ULK4: variants seen among roughly 807,000 people sequenced by gnomAD.
The protein encoded by ULK4 is inactive serine/threonine-protein kinase ULK4.
In ULK4, 133 loss-of-function variants were observed where a neutral mutation model predicts 160.6. The observed-to-expected ratio is 0.83, with a 90% confidence interval of 0.72 to 0.96. The LOEUF (loss-of-function observed/expected upper bound fraction) is 0.96, where lower values mean the gene tolerates loss of function less well. Among genes scored for constraint, ULK4 ranks in the 40% least tolerant of loss-of-function variants. The pLI is 0.00. For missense variants in ULK4, 1,580 were observed against 1,499.5 expected (o/e 1.05, Z -0.89); for synonymous variants, 534 against 539.8 (o/e 0.99, Z 0.15).
intron 23 of ULK4, among the ~76,000 whole-genome samples, chr3:41,717,464 T>C (rs1349983655): frequency 6.6e-6 from 1 of 152,204 alleles, no homozygotes; most frequent in Non-Finnish European, 1.5e-5. Context: ...GCTTTTCTTT[T>C]GTATATTTTC....
chr3:41,804,434 C>T (rs1575737904), intron 19 of ULK4, among the ~76,000 whole-genome samples: 1 of 151,684 alleles, frequency 6.6e-6, no homozygotes, highest in African/African-American at 2.4e-5. Flanking sequence ...TTGTAGGTTG[C>T]CTGTTCACTC....
At chr3:41,849,058 C>T (rs1356074590) in intron 17 of ULK4, among the ~76,000 whole-genome samples, 1 of 152,154 alleles carries the variant, frequency 6.6e-6, no homozygotes, top group African/African-American at 2.4e-5. Context: ...ATAGAAACGC[C>T]ACAGAAAATG....
intron 35 of ULK4, 110 bp from the exon 36 acceptor site, chr3:41,249,684 G>A: frequency 9.1e-7 from 1 of 1,100,606 alleles, no homozygotes. Flanking sequence ...GGCTGCCTAA[G>A]GCACTGGGGG....
At chr3:41,397,867 A>G (rs1466049800) in intron 35 of ULK4, among the ~76,000 whole-genome samples, 4 of 152,170 alleles carry the variant, frequency 2.6e-5, no homozygotes, top group African/African-American at 9.7e-5. Flanking sequence ...CTTACTCCCA[A>G]ATGGTTCAGA....
intron 31 of ULK4, among the ~76,000 whole-genome samples, chr3:41,598,444 G>C (rs981030276): frequency 6.6e-6 from 1 of 152,188 alleles, no homozygotes; most frequent in African/African-American, 2.4e-5. Flanking sequence ...TCCAGAGCAT[G>C]CGAGTAATAT....
At chr3:41,268,677 G>A (rs2079085902) in intron 35 of ULK4, among the ~76,000 whole-genome samples, 3 of 152,094 alleles carry the variant, frequency 2.0e-5, no homozygotes, top group South Asian at 2.1e-4. Context: ...ATGGTGGTGT[G>A]CACCTGCAGT....
chr3:41,385,294 A>C (rs906673085), intron 35 of ULK4, among the ~76,000 whole-genome samples: 1 of 152,188 alleles, frequency 6.6e-6, no homozygotes, highest in African/African-American at 2.4e-5. Context: ...TAAAAAGAAG[A>C]GTAAAACTAT....
At chr3:41,738,094 A>G (rs957878554) in intron 22 of ULK4, among the ~76,000 whole-genome samples, 1 of 151,970 alleles carries the variant, frequency 6.6e-6, no homozygotes, top group Non-Finnish European at 1.5e-5. Flanking sequence ...GATAATATCT[A>G]TCATTCCCAT....
At chr3:41,510,979 G>A (rs527306262) in intron 32 of ULK4, among the ~76,000 whole-genome samples, 13 of 152,000 alleles carry the variant, frequency 8.6e-5, no homozygotes, top group East Asian at 1.9e-4. Flanking sequence ...TGGCTAACAC[G>A]GTGAAACCCC....
chr3:41,853,496 A>T (rs1397521821), intron 17 of ULK4, among the ~76,000 whole-genome samples: 1 of 152,168 alleles, frequency 6.6e-6, no homozygotes, highest in Non-Finnish European at 1.5e-5. Flanking sequence ...ACAAGACCTA[A>T]GGCCATGCTA....
intron 36 of ULK4, among the ~76,000 whole-genome samples, chr3:41,248,835 G>A (rs2078691770): frequency 6.6e-6 from 1 of 152,194 alleles, no homozygotes; most frequent in Non-Finnish European, 1.5e-5. Context: ...TTTACAGCAT[G>A]TAACATGCTC....
Position 41,900,769 on chromosome 3 carries a change from T to A in ULK4, c.1243A>T (p.Thr415Ser). 1 of 1,613,796 alleles carries A rather than the reference T, an allele frequency of 6.2e-7. No individual in the cohort carries two copies. The highest frequency in any genetic ancestry group is 8.5e-7 in the Non-Finnish European group (1 of 1,179,760). ...LESQMRELIY[T>S]DSDLVVTPII... ...GGGGTGACAACAAGATCTGAGTCCGTGTAGATAAGCTCTCTCATCTGGGAT... is the reference window on the plus strand; with the variant it reads ...GGGGTGACAACAAGATCTGAGTCCGAGTAGATAAGCTCTCTCATCTGGGAT... The change falls in exon 13 of 37, where the codon ACG becomes TCG. Residue 415 changes from threonine (T) to serine (S), a missense_variant. By Grantham distance (58) the Thr-to-Ser change is moderately conservative. Transcript: ENST00000301831.
At chr3:41,388,397 T>G (rs1300336848) in intron 35 of ULK4, among the ~76,000 whole-genome samples, 3 of 152,012 alleles carry the variant, frequency 2.0e-5, no homozygotes, top group Admixed American at 2.0e-4. Flanking sequence ...CATTTGTCAA[T>G]TTTGGCTTTG....
At chr3:41,928,429 C>T (rs1347808423) in intron 5 of ULK4, among the ~76,000 whole-genome samples, 1 of 150,786 alleles carries the variant, frequency 6.6e-6, no homozygotes, top group Non-Finnish European at 1.5e-5. Context: ...CCTAACATCG[C>T]AATTAAAAGA....
At position 41,896,888 on chromosome 3, in the gene ULK4, G is replaced by A. The variant is rs1158446186; in HGVS notation, c.1464C>T (p.Leu488=). 6.2e-7 allele frequency: 1 copy of A among 1,613,580 alleles called. No individual in the cohort carries two copies. The highest frequency in any genetic ancestry group is 1.7e-5 in the Admixed American group (1 of 60,010). The change falls in exon 15 of 37, where the codon CTC becomes CTT. Residue 488 remains leucine (L), a synonymous_variant. Coordinates refer to ENST00000301831, the MANE Select transcript of ULK4 (RefSeq NM_017886.4). ...CAGCCACCACGCACAAATAGCAAAG[G>A]AGATTCAGCTTGGCTCGGGAGGCCC... The part of the protein sequence containing the change: ...SMGASRAKLN[L]LCYLCVVAGH...
At chr3:41,783,878 A>G (rs950818328) in intron 21 of ULK4, among the ~76,000 whole-genome samples, 1 of 152,208 alleles carries the variant, frequency 6.6e-6, no homozygotes, top group African/African-American at 2.4e-5. Flanking sequence ...TGAAAATGAA[A>G]TATTTGCAGG....
intron 21 of ULK4, among the ~76,000 whole-genome samples, chr3:41,755,548 A>G (rs2038770733): frequency 6.6e-6 from 1 of 152,142 alleles, no homozygotes; most frequent in Non-Finnish European, 1.5e-5. Context: ...TAGAAAATCC[A>G]TCTCCCCAGA....
rs975348498 is a variant in ULK4 at position 41,935,162 on chromosome 3, G to A, written c.378+639C>T. On this transcript the variant is annotated intron_variant, in intron 4 of 36. Coordinates refer to ENST00000301831, the MANE Select transcript of ULK4 (RefSeq NM_017886.4). ...CTCCCAAGTAGATGGAATTACAGGCGCTCACCACCATGCCCAGCTATTTTT... is the reference window on the plus strand; with the variant it reads ...CTCCCAAGTAGATGGAATTACAGGCACTCACCACCATGCCCAGCTATTTTT... 9.4e-5 allele frequency among the ~76,000 whole-genome samples: 14 copies of A among 148,446 alleles called. No individual in the cohort carries two copies. The South Asian group carries it at 1.7e-3, about 18-fold the overall frequency.
intron 32 of ULK4, among the ~76,000 whole-genome samples, chr3:41,479,298 T>A (rs2084239300): frequency 6.6e-6 from 1 of 152,216 alleles, no homozygotes; most frequent in Admixed American, 6.5e-5. Flanking sequence ...ACTGGTTCAT[T>A]TGCAATACGC....
Sources: gnomAD v4.1 joint callset for allele counts (sites outside exome capture counted in the v4.1 genomes callset) on GRCh38, gnomAD v4.1.1 for gene constraint, MANE v1.5 for transcripts, NCBI Gene and HGNC (gene_info 2026-07-23, HGNC 2026-07-21) for gene names.